FHL5: variants seen among roughly 807,000 people sequenced by gnomAD.
The protein encoded by FHL5 is four and a half LIM domains protein 5.
In FHL5, 33 loss-of-function variants were observed where a neutral mutation model predicts 32.0. The ratio of observed to expected loss-of-function variants is 1.03; its 90% confidence interval spans 0.78 to 1.38. FHL5 has a LOEUF of 1.38. FHL5 is among the 40% of genes most tolerant of loss of function. The pLI, the probability that FHL5 is intolerant of heterozygous loss-of-function variation, is 0.00. For synonymous variants in FHL5, 114 were observed against 113.6 expected (o/e 1.00, Z -0.02); for missense variants, 336 against 343.9 (o/e 0.98, Z 0.18).
At chr6:96,587,057 C>A (rs115557191) in intron 1 of FHL5, among the ~76,000 whole-genome samples, 2,519 of 152,308 alleles carry the variant, frequency 0.017, 59 homozygotes, top group African/African-American at 0.058. Context: ...GAGCAAAGGT[C>A]ATGGCAACAG....
chr6:96,584,435 A>ATGTGTGTGTGTGTGTGTGTGTGTT (rs1770754160), intron 1 of FHL5, among the ~76,000 whole-genome samples: 4 of 146,884 alleles, frequency 2.7e-5, no homozygotes, highest in African/African-American at 1.0e-4. Context: ...CAGGTGGGAT[A>ATGTGTGTGTGTGTGTGTGTGTGTT]TGTGTGTGTG....
intron 1 of FHL5, among the ~76,000 whole-genome samples, chr6:96,582,479 A>G (rs778550621): frequency 2.0e-5 from 3 of 152,178 alleles, no homozygotes; most frequent in African/African-American, 4.8e-5. Flanking sequence ...TTTCAGTAAT[A>G]GCTGCCATAA....
chr6:96,602,268 G>A (rs747839318), intron 1 of FHL5, among the ~76,000 whole-genome samples: 6 of 151,858 alleles, frequency 4.0e-5, no homozygotes, highest in Non-Finnish European at 7.4e-5. Flanking sequence ...TATGTGGGGG[G>A]AGAATTAGAA....
chr6:96,571,612 G>GA lies in FHL5; in HGVS notation c.-13+8258dup, dbSNP rs539916788. On this transcript the variant is annotated intron_variant, in intron 1 of 5. Coordinates refer to ENST00000450218, the MANE Select transcript of FHL5 (RefSeq NM_001322466.2). ...GGATGTAGGTTACCCATAGAGCCAGGATCTATGATTCTGAGGGACCCCCTA... is the reference window on the plus strand; with the variant it reads ...GGATGTAGGTTACCCATAGAGCCAGGAATCTATGATTCTGAGGGACCCCCTA... 9.9e-5 allele frequency among the ~76,000 whole-genome samples: 15 copies of GA among 152,282 alleles called. 1 individual carries two copies. In the South Asian group the frequency reaches 3.1e-3, roughly 32 times the overall value.
intron 1 of FHL5, among the ~76,000 whole-genome samples, chr6:96,576,282 C>T (rs1015843527): frequency 6.6e-6 from 1 of 152,230 alleles, no homozygotes; most frequent in Non-Finnish European, 1.5e-5. Flanking sequence ...TTTACTGAGC[C>T]TTCAGCGTAT....
chr6:96,604,196 C>T (rs980008838), intron 2 of FHL5, among the ~76,000 whole-genome samples: 1 of 151,940 alleles, frequency 6.6e-6, no homozygotes, highest in Non-Finnish European at 1.5e-5. Flanking sequence ...CTTACTAAAC[C>T]CTATTGATAC....
At chr6:96,586,661 C>G (rs1224168582) in intron 1 of FHL5, among the ~76,000 whole-genome samples, 2 of 152,144 alleles carry the variant, frequency 1.3e-5, no homozygotes, top group East Asian at 3.9e-4. Context: ...CCTGCAGCAG[C>G]AAACCATTCA....
intron 1 of FHL5, among the ~76,000 whole-genome samples, chr6:96,595,665 G>T (rs1408763901): frequency 6.6e-6 from 1 of 150,852 alleles, no homozygotes; most frequent in Non-Finnish European, 1.5e-5. Flanking sequence ...TATATCTTTA[G>T]TTCTATTTCC....
chr6:96,603,414 G>C (rs1314958169), intron 1 of FHL5, among the ~76,000 whole-genome samples, 188 bp from the exon 2 acceptor site: 3 of 152,046 alleles, frequency 2.0e-5, no homozygotes, highest in African/African-American at 7.2e-5. Flanking sequence ...CAAGATGGGA[G>C]AGTAATCTTT....
At position 96,610,572 on chromosome 6, in the gene FHL5, G is replaced by A. The variant is rs1411823752; in HGVS notation, c.505G>A (p.Val169Met). Residue 169 changes from valine to methionine, a missense_variant and splice_region_variant, in exon 5 of 6, where the codon GTG becomes ATG. Coordinates refer to ENST00000450218, the MANE Select transcript of FHL5 (RefSeq NM_001322466.2). ...FAHYCNFCKK[V>M]ITSGGITFCD... is the part of the protein sequence containing the mutation. ...TTGCCTTTTCTGTGGTCTTTGGCAG[G>A]TGATAACTTCAGGTGGGATAACATT... The A allele has an allele frequency of 6.2e-7, 1 of 1,612,426 alleles. No individual in the cohort carries two copies. The highest frequency in any genetic ancestry group is 8.5e-7 in the Non-Finnish European group (1 of 1,178,878).
intron 5 of FHL5, among the ~76,000 whole-genome samples, chr6:96,613,356 T>G (rs1771452996): frequency 6.6e-6 from 1 of 152,212 alleles, no homozygotes; most frequent in South Asian, 2.1e-4. Flanking sequence ...CAGATATAGC[T>G]ACCATATTTT....
intron 1 of FHL5, among the ~76,000 whole-genome samples, chr6:96,597,816 A>G (rs1771066718): frequency 6.6e-6 from 1 of 152,122 alleles, no homozygotes; most frequent in Admixed American, 6.5e-5. Context: ...GGAGGTTTAC[A>G]CTGGCTAAGA....
intron 1 of FHL5, among the ~76,000 whole-genome samples, chr6:96,593,856 T>C (rs1034612051): frequency 1.9e-4 from 29 of 152,142 alleles, no homozygotes; most frequent in African/African-American, 7.0e-4. Context: ...TTTTAAGTAC[T>C]AGCTTCTCTA....
chr6:96,604,951 C>A, intron 3 of FHL5, 27 bp downstream of exon 3: 8 of 1,533,134 alleles, frequency 5.2e-6, no homozygotes, highest in Non-Finnish European at 6.2e-6. Flanking sequence ...GCTCCTGTCT[C>A]TAACTGAAGC....
At chr6:96,587,830 G>A (rs913763320) in intron 1 of FHL5, among the ~76,000 whole-genome samples, 1 of 152,040 alleles carries the variant, frequency 6.6e-6, no homozygotes, top group Non-Finnish European at 1.5e-5. Context: ...TGTCATTCTG[G>A]TATATTTACT....
chr6:96,605,952 G>T lies in FHL5; in HGVS notation c.385G>T (p.Val129Leu), dbSNP rs878899304. The T allele has an allele frequency of 6.2e-7, 1 of 1,614,090 alleles. No homozygotes were observed. Among genetic ancestry groups the T allele is most frequent in the Non-Finnish European group, 8.5e-7 (1 of 1,179,970 alleles). ...KGNYWHETCF[V>L]CENCRQPIGT... ...AAACTACTGGCATGAAACCTGTTTT[G>T]TGTGTGAGAATTGCCGACAACCTAT... is the stretch of plus-strand genomic sequence containing the variant. Residue 129 changes from valine to leucine, a missense_variant, in exon 4 of 6, where the codon GTG (valine) becomes TTG (leucine). Val to Leu is a conservative substitution (Grantham distance 32, BLOSUM62 1). Transcript: ENST00000450218.
rs199504257 is a variant in FHL5, at chr6:96,615,658, C to T, written c.741C>T (p.Ser247=). The part of the protein sequence containing the change: ...FICFQDSQWH[S]ECFNCGKCSV... ...GCTTTCAAGACAGCCAGTGGCATAGCGAATGCTTTAACTGCGGGAAATGCT... is the reference window on the plus strand; with the variant it reads ...GCTTTCAAGACAGCCAGTGGCATAGTGAATGCTTTAACTGCGGGAAATGCT... Residue 247 remains serine, a synonymous_variant, in exon 6 of 6, where the codon AGC becomes AGT. Transcript: ENST00000450218. 1.1e-5 allele frequency: 18 copies of T among 1,613,024 alleles called. No homozygotes were observed. Among genetic ancestry groups the T allele is most frequent in the East Asian group, 2.2e-5 (1 of 44,814 alleles).
intron 1 of FHL5, among the ~76,000 whole-genome samples, chr6:96,586,791 G>A (rs1356888634): frequency 6.6e-6 from 1 of 151,952 alleles, no homozygotes; most frequent in Non-Finnish European, 1.5e-5. Flanking sequence ...ACACAATTCT[G>A]ACTAAAAAAA....
At chr6:96,567,499 GA>G (rs1770382023) in intron 1 of FHL5, among the ~76,000 whole-genome samples, 1 of 151,860 alleles carries the variant, frequency 6.6e-6, no homozygotes, top group East Asian at 1.9e-4. Context: ...TAAATTGTAG[GA>G]GTTTTTTTCT....
Sources: allele counts gnomAD v4.1 joint callset (sites outside exome capture counted in the v4.1 genomes callset), GRCh38; gene constraint gnomAD v4.1.1; transcripts MANE v1.5; gene names NCBI Gene and HGNC (gene_info 2026-07-23, HGNC 2026-07-21).